Variants in NTM observed in about 807,000 individuals in gnomAD.
The protein encoded by NTM is neurotrimin, also known as IgLON family member 2.
Under a neutral mutation model 42.1 loss-of-function variants are expected in NTM, and 13 were observed. The observed-to-expected ratio is 0.31, with a 90% CI of 0.20 to 0.49. The LOEUF (loss-of-function observed/expected upper bound fraction) is 0.49, where lower values mean the gene tolerates loss of function less well. Ranked by LOEUF, NTM falls within the 20% of genes least tolerant of loss-of-function variation. The probability of loss-of-function intolerance (pLI) is 0.99; values close to 1 mark genes in which losing one functional copy is unlikely to be tolerated. For synonymous variants in NTM, 187 were observed against 179.2 expected (o/e 1.04, Z -0.35); for missense variants, 373 against 452.8 (o/e 0.82, Z 1.60).
intron 2 of NTM, among the ~76,000 whole-genome samples, chr11:131,914,732 G>A (rs143277433): frequency 3.3e-5 from 5 of 152,126 alleles, no homozygotes; most frequent in African/African-American, 7.2e-5. Flanking sequence ...CTGCCCTCCC[G>A]CTGGCATTCT....
rs573396727 is a variant in NTM at position 132,296,471 on chromosome 11, CAT to C, written c.527-11214_527-11213del. 2.9e-4 allele frequency among the ~76,000 whole-genome samples: 44 copies of C among 152,276 alleles called. No individual in the cohort carries two copies. In the East Asian group the frequency reaches 7.3e-3, roughly 25 times the overall value. ...TTCCATATGTTTGCACAACTTCTCT[CAT>C]ATAATTTTCAGACCCAATATATGAG... On this transcript the variant is annotated intron_variant, in intron 4 of 8. Coordinates refer to ENST00000683400, the MANE Select transcript of NTM (RefSeq NM_001352005.2).
intron 1 of NTM, among the ~76,000 whole-genome samples, chr11:131,661,757 G>C (rs1592416578): frequency 6.6e-6 from 1 of 152,098 alleles, no homozygotes; most frequent in African/African-American, 2.4e-5. Flanking sequence ...GAGTGAAAAT[G>C]CTCTTTTTTT....
intron 2 of NTM, among the ~76,000 whole-genome samples, chr11:132,095,354 C>T (rs895424469): frequency 6.6e-6 from 1 of 152,086 alleles, no homozygotes; most frequent in African/African-American, 2.4e-5. Flanking sequence ...AGGAGCCCCT[C>T]CACAGGAACC....
At chr11:131,948,226 G>A (rs1209358335) in intron 2 of NTM, among the ~76,000 whole-genome samples, 4 of 151,876 alleles carry the variant, frequency 2.6e-5, no homozygotes, top group South Asian at 2.1e-4. Context: ...TTAGCCAGGC[G>A]TGGTGGTGGG....
intron 1 of NTM, among the ~76,000 whole-genome samples, chr11:131,443,429 A>G (rs780871276): frequency 1.1e-4 from 16 of 152,280 alleles, no homozygotes; most frequent in Middle Eastern, 3.4e-3. Flanking sequence ...ATTTTCTTGG[A>G]ATATACTGAG....
chr11:131,395,285 G>A (rs545137480), intron 1 of NTM, among the ~76,000 whole-genome samples: 100 of 152,320 alleles, frequency 6.6e-4, no homozygotes, highest in African/African-American at 2.3e-3. Context: ...TTGCTGAACA[G>A]AAATGGTTCC....
intron 1 of NTM, among the ~76,000 whole-genome samples, chr11:131,608,881 G>T (rs2061233272): frequency 6.6e-6 from 1 of 152,198 alleles, no homozygotes; most frequent in Non-Finnish European, 1.5e-5. Context: ...AGTTGACGAT[G>T]GAGTCATGAT....
At chr11:131,857,802 T>A (rs1476748687) in intron 1 of NTM, among the ~76,000 whole-genome samples, 1 of 152,184 alleles carries the variant, frequency 6.6e-6, no homozygotes, top group African/African-American at 2.4e-5. Context: ...ATCTCCTGGC[T>A]CACCCACCTC....
intron 2 of NTM, among the ~76,000 whole-genome samples, chr11:132,142,300 C>A (rs139061510): frequency 6.6e-6 from 1 of 152,236 alleles, no homozygotes; most frequent in Admixed American, 6.5e-5. Flanking sequence ...GAGTTTGAAG[C>A]CTTACTCACT....
intron 1 of NTM, among the ~76,000 whole-genome samples, chr11:131,675,287 A>G (rs1279023212): frequency 6.6e-6 from 1 of 152,238 alleles, no homozygotes; most frequent in Non-Finnish European, 1.5e-5. Context: ...GCTCAAACCC[A>G]ATATATCACG....
At chr11:131,921,044 C>T (rs886460240) in intron 2 of NTM, among the ~76,000 whole-genome samples, 6 of 152,080 alleles carry the variant, frequency 3.9e-5, no homozygotes, top group Admixed American at 6.6e-5. Context: ...AGAAAAAGAA[C>T]GCATGCGAAT....
chr11:131,931,585 C>T (rs114133208), intron 2 of NTM, among the ~76,000 whole-genome samples: 2 of 151,432 alleles, frequency 1.3e-5, no homozygotes, highest in African/African-American at 4.8e-5. Flanking sequence ...ATGTGTAGGG[C>T]GTTGCACTAG....
chr11:131,873,086 A>G (rs796146342), intron 1 of NTM, among the ~76,000 whole-genome samples: 4 of 152,332 alleles, frequency 2.6e-5, no homozygotes, highest in African/African-American at 7.2e-5. Flanking sequence ...AGCACCATTT[A>G]CAATAGCAAA....
At chr11:131,606,504 A>G (rs2060970077) in intron 1 of NTM, among the ~76,000 whole-genome samples, 2 of 152,254 alleles carry the variant, frequency 1.3e-5, no homozygotes, top group Admixed American at 1.3e-4. Flanking sequence ...ATAGATGCAG[A>G]AGAGACTGAT....
chr11:131,872,805 T>C (rs1025786368), intron 1 of NTM, among the ~76,000 whole-genome samples: 1 of 152,190 alleles, frequency 6.6e-6, no homozygotes, highest in Non-Finnish European at 1.5e-5. Flanking sequence ...TAGGGGACAA[T>C]GTTGACACTT....
chr11:131,562,268 T>C (rs1186536072), intron 1 of NTM, among the ~76,000 whole-genome samples: 9 of 151,918 alleles, frequency 5.9e-5, no homozygotes, highest in African/African-American at 2.2e-4. Context: ...GCTCCCAGAG[T>C]CTCTGGGCGA....
At chr11:132,055,402 A>G (rs1225275592) in intron 2 of NTM, among the ~76,000 whole-genome samples, 1 of 152,150 alleles carries the variant, frequency 6.6e-6, no homozygotes, top group Admixed American at 6.5e-5. Context: ...TTATCTGGGC[A>G]TACTCAAATA....
At chr11:131,588,810 C>CA (rs559747073) in intron 1 of NTM, among the ~76,000 whole-genome samples, 365 of 152,266 alleles carry the variant, frequency 2.4e-3, no homozygotes, top group Non-Finnish European at 3.7e-3. Flanking sequence ...TAACTCTGGG[C>CA]AATGTGTACT....
intron 1 of NTM, among the ~76,000 whole-genome samples, chr11:131,729,823 A>T (rs2079412494): frequency 6.6e-6 from 1 of 152,154 alleles, no homozygotes; most frequent in African/African-American, 2.4e-5. Context: ...TTTATCATCT[A>T]TCAATTGAAA....
Sources: allele counts gnomAD v4.1 joint callset (sites outside exome capture counted in the v4.1 genomes callset), GRCh38; gene constraint gnomAD v4.1.1; transcripts MANE v1.5; gene names NCBI Gene and HGNC (gene_info 2026-07-23, HGNC 2026-07-21).